The following MACROH2A2 variants were observed in gnomAD, a reference collection of about 807,000 sequenced individuals.
MACROH2A2 encodes macroH2A.2 histone.
A neutral mutation model predicts 37.6 loss-of-function variants in MACROH2A2; 6 were observed. That is an observed-to-expected ratio of 0.16 (90% confidence interval 0.09 to 0.32). The LOEUF (loss-of-function observed/expected upper bound fraction) is 0.32, where lower values mean the gene tolerates loss of function less well. MACROH2A2 is among the 10% of genes least tolerant of loss of function. The pLI is 1.00. For missense variants in MACROH2A2, 290 were observed against 485.9 expected (o/e 0.60, Z 3.79); for synonymous variants, 192 against 202.7 (o/e 0.95, Z 0.45).
intron 1 of MACROH2A2, among the ~76,000 whole-genome samples, chr10:70,072,260 A>T (rs923385138): frequency 3.3e-5 from 5 of 151,766 alleles, no homozygotes; most frequent in African/African-American, 4.8e-5. Context: ...TTCTATTAAA[A>T]TTTTTTTTAA....
At chr10:70,095,846 T>C (rs879267814) in intron 6 of MACROH2A2, 93 bp downstream of exon 6, 1 of 672,084 alleles carries the variant, frequency 1.5e-6, no homozygotes, top group Admixed American at 2.4e-5. Flanking sequence ...TGGCTGTCCC[T>C]CCGCTGGGGT....
At chr10:70,079,182 A>G (rs2072158182) in intron 2 of MACROH2A2, among the ~76,000 whole-genome samples, 2 of 151,958 alleles carry the variant, frequency 1.3e-5, no homozygotes, top group Non-Finnish European at 2.9e-5. Flanking sequence ...TGTTGTTAAG[A>G]CCTAAACCAG....
chr10:70,079,565 G>GCACACA (rs56247035), intron 2 of MACROH2A2, among the ~76,000 whole-genome samples: 29,376 of 125,826 alleles, frequency 0.23, 3,640 homozygotes, highest in Middle Eastern at 0.27. Flanking sequence ...GCGCGCGCGC[G>GCACACA]CACACACACA....
chr10:70,070,185 G>C (rs1447087641), intron 1 of MACROH2A2, among the ~76,000 whole-genome samples: 3 of 152,108 alleles, frequency 2.0e-5, no homozygotes, highest in Non-Finnish European at 4.4e-5. Flanking sequence ...CACAAGACCT[G>C]AAAAGATGGG....
At chr10:70,106,906 C>T (rs946490339) in intron 7 of MACROH2A2, among the ~76,000 whole-genome samples, 1 of 151,466 alleles carries the variant, frequency 6.6e-6, no homozygotes, top group African/African-American at 2.4e-5. Context: ...ATGACTGTAA[C>T]AAGCCAAACT....
chr10:70,071,898 A>T (rs2072113229), intron 1 of MACROH2A2, among the ~76,000 whole-genome samples: 1 of 152,208 alleles, frequency 6.6e-6, no homozygotes, highest in Non-Finnish European at 1.5e-5. Flanking sequence ...GTGGTGAGTG[A>T]ATGTGAAGGC....
chr10:70,058,131 AAT>A (rs1187120695), intron 1 of MACROH2A2, among the ~76,000 whole-genome samples: 1 of 152,260 alleles, frequency 6.6e-6, no homozygotes, highest in African/African-American at 2.4e-5. Context: ...CAAATGAAAG[AAT>A]ATGAGACTGA....
intron 4 of MACROH2A2, 56 bp from the exon 5 acceptor site, chr10:70,093,679 C>A: frequency 2.2e-6 from 2 of 892,720 alleles, no homozygotes; most frequent in Non-Finnish European, 3.7e-6. Context: ...TTAATAAAGG[C>A]ACCTCAGGCT....
chr10:70,105,504 C>A (rs557820533), intron 7 of MACROH2A2, among the ~76,000 whole-genome samples: 11 of 152,066 alleles, frequency 7.2e-5, no homozygotes, highest in African/African-American at 2.7e-4. Flanking sequence ...GGCTGGAGGA[C>A]GACTGGGCAT....
intron 5 of MACROH2A2, 34 bp downstream of exon 5, chr10:70,093,879 A>T: frequency 9.0e-7 from 1 of 1,111,656 alleles, no homozygotes; most frequent in Non-Finnish European, 1.4e-6. Flanking sequence ...CTATATTAAA[A>T]CACCACTGTA....
chr10:70,054,688 A>C (rs2072003524), intron 1 of MACROH2A2, among the ~76,000 whole-genome samples: 1 of 152,240 alleles, frequency 6.6e-6, no homozygotes, highest in African/African-American at 2.4e-5. Context: ...TTTATTTTCA[A>C]ACTAAATGTT....
Position 70,093,749 on chromosome 10 carries a change from C to G in MACROH2A2, c.492C>G (p.Asp164Glu), listed in dbSNP as rs2072259945. 1 of 1,603,012 alleles carries G rather than the reference C, an allele frequency of 6.2e-7. No homozygotes were observed. The highest frequency in any genetic ancestry group is 1.7e-5 in the Admixed American group (1 of 59,992). The change falls in exon 5 of 9, where the codon GAC becomes GAG. Residue 164 changes from aspartate (D) to glutamate (E), a missense_variant. Around this residue, in one of 3 missense-constraint regions of MACROH2A2, gnomAD observed 77 missense variants for 68.9 expected, o/e 1.12. Transcript: ENST00000373255. ...PRTSKKSKPKDSDKEGTSNST... is the reference protein window; with the variant it reads ...PRTSKKSKPKESDKEGTSNST... ...TTTACCGACAGTCCAAACCAAAGGA[C>G]AGCGATAAAGAAGGAACTTCAAATT...
At chr10:70,081,364 A>T (rs2072175559) in intron 2 of MACROH2A2, among the ~76,000 whole-genome samples, 1 of 152,118 alleles carries the variant, frequency 6.6e-6, no homozygotes, top group South Asian at 2.1e-4. Context: ...CAGGAGGTTC[A>T]CATCGGTGTG....
At chr10:70,072,154 A>G (rs1399431611) in intron 1 of MACROH2A2, among the ~76,000 whole-genome samples, 1 of 152,140 alleles carries the variant, frequency 6.6e-6, no homozygotes, top group Non-Finnish European at 1.5e-5. Context: ...TACATTGCAC[A>G]GCTACTACAC....
chr10:70,080,077 C>G (rs1291770267), intron 2 of MACROH2A2, among the ~76,000 whole-genome samples: 4 of 152,000 alleles, frequency 2.6e-5, no homozygotes, highest in Admixed American at 6.6e-5. Context: ...GTCAGGAGTT[C>G]GAGACCAGCC....
intron 1 of MACROH2A2, among the ~76,000 whole-genome samples, chr10:70,058,322 A>G (rs547912058): frequency 6.6e-6 from 1 of 152,334 alleles, no homozygotes; most frequent in African/African-American, 2.4e-5. Context: ...ATTCAAGTCA[A>G]AATTCTCATG....
At chr10:70,111,183 C>T (rs961867769) in intron 8 of MACROH2A2, among the ~76,000 whole-genome samples, 2 of 152,030 alleles carry the variant, frequency 1.3e-5, no homozygotes, top group African/African-American at 2.4e-5. Flanking sequence ...GCAGGAGAAT[C>T]GCTTGAACCC....
At chr10:70,055,191 T>G (rs2072007355) in intron 1 of MACROH2A2, among the ~76,000 whole-genome samples, 1 of 152,192 alleles carries the variant, frequency 6.6e-6, no homozygotes. Context: ...AGTCCTGTCT[T>G]AGGCAACTTT....
At chr10:70,070,548 A>G (rs760046030) in intron 1 of MACROH2A2, among the ~76,000 whole-genome samples, 3 of 152,016 alleles carry the variant, frequency 2.0e-5, no homozygotes, top group Admixed American at 6.6e-5. Context: ...CAGGAGTGCA[A>G]TGGTACAATC....
Sources: allele counts gnomAD v4.1 joint callset (sites outside exome capture counted in the v4.1 genomes callset), GRCh38; gene constraint gnomAD v4.1.1; regional missense constraint gnomAD v4.1.1; transcripts MANE v1.5; gene names NCBI Gene and HGNC (gene_info 2026-07-23, HGNC 2026-07-21).